The following SCN3A variants were observed in gnomAD, a reference collection of about 807,000 sequenced individuals.
SCN3A encodes the protein sodium channel protein type 3 subunit alpha.
In SCN3A, 60 loss-of-function variants were observed where a neutral mutation model predicts 187.6. The ratio of observed to expected loss-of-function variants is 0.32; its 90% CI spans 0.26 to 0.40. SCN3A has a LOEUF of 0.40. Ranked by LOEUF, SCN3A falls within the 10% of genes least tolerant of loss-of-function variation. SCN3A has a pLI of 1.00. For missense variants in SCN3A, 1,601 were observed against 2,428.2 expected (o/e 0.66, Z 7.16); for synonymous variants, 788 against 829.2 (o/e 0.95, Z 0.85).
intron 2 of SCN3A, among the ~76,000 whole-genome samples, chr2:165,183,373 A>G: frequency 6.6e-6 from 1 of 152,228 alleles, no homozygotes; most frequent in African/African-American, 2.4e-5. Flanking sequence ...ATTTGCTCTA[A>G]AAGATCTAAG....
chr2:165,097,460 A>G lies in SCN3A; in HGVS notation c.4031T>C (p.Ile1344Thr). 3 of 1,614,168 alleles carry G rather than the reference A, an allele frequency of 1.9e-6. No homozygotes were observed. Among genetic ancestry groups the G allele is most frequent in the Non-Finnish European group, 2.5e-6 (3 of 1,180,008 alleles). The change falls in exon 23 of 28, where the codon ATC becomes ACC. Residue 1344 changes from isoleucine to threonine, a missense_variant. By Grantham distance (89) the Ile-to-Thr change is moderately conservative. Coordinates refer to ENST00000283254, the MANE Select transcript of SCN3A (RefSeq NM_006922.4). ...CATGATGCTAAAGATCAACCAGAAG[A>G]TGAGACAGACCAACAGCACATTCAT... is the stretch of plus-strand genomic sequence containing the variant. ...SIMNVLLVCL[I>T]FWLIFSIMGV...
intron 11 of SCN3A, among the ~76,000 whole-genome samples, chr2:165,150,635 C>T (rs1688636980): frequency 6.6e-6 from 1 of 152,134 alleles, no homozygotes; most frequent in Non-Finnish European, 1.5e-5. Flanking sequence ...TAGCCGAACT[C>T]ATCATAATCA....
intron 18 of SCN3A, among the ~76,000 whole-genome samples, chr2:165,126,494 C>A (rs890433852): frequency 7.2e-6 from 1 of 139,134 alleles, no homozygotes; most frequent in Non-Finnish European, 1.6e-5. Context: ...TCTTTTCTTT[C>A]TTTCTTTCCT....
At chr2:165,115,206 A>T (rs1024785545) in intron 19 of SCN3A, among the ~76,000 whole-genome samples, 5 of 151,402 alleles carry the variant, frequency 3.3e-5, no homozygotes, top group Admixed American at 6.6e-5. Flanking sequence ...ATGTACCACC[A>T]TGTTGAGCTA....
At position 165,092,703 on chromosome 2, in the gene SCN3A, T is replaced by C. The variant is rs894423450; in HGVS notation, c.4537-179A>G. 8 of 626,150 alleles carry C rather than the reference T, an allele frequency of 1.3e-5. No individual in the cohort carries two copies. Among genetic ancestry groups the C allele is most frequent in the Admixed American group, 5.9e-5 (2 of 34,080 alleles). The allele number at this position is 626,150 out of a possible 1,614,324, so 38.8% of individuals were successfully genotyped here. On this transcript the variant is annotated intron_variant, in intron 26 of 27. Coordinates refer to ENST00000283254, the MANE Select transcript of SCN3A (RefSeq NM_006922.4). This position sits in a 1 kb window ranked among gnomAD's most constrained non-coding sequence, Gnocchi z 4.2. ...TTAAAAAAAATGGAAAAAAAATTTA[T>C]ATAGCTAAACAAAGCATATTTGGTT... is the stretch of plus-strand genomic sequence containing the variant.
intron 18 of SCN3A, among the ~76,000 whole-genome samples, chr2:165,126,235 A>T (rs560459703): frequency 2.0e-5 from 3 of 152,224 alleles, no homozygotes; most frequent in Non-Finnish European, 4.4e-5. Context: ...TTGTACTCAT[A>T]TGTATTAAAC....
rs142971669 is a variant in SCN3A, at chr2:165,135,219, A to G, written c.2391+2660T>C. Among the ~76,000 whole-genome samples the G allele has an allele frequency of 4.1e-3, 630 of 152,226 alleles. 5 individuals are homozygous for G. Among genetic ancestry groups the G allele is most frequent in the East Asian group, 0.019 (101 of 5,186 alleles). On this transcript the variant is annotated intron_variant, in intron 15 of 27. Coordinates refer to ENST00000283254, the MANE Select transcript of SCN3A (RefSeq NM_006922.4). ...TGGGAGCAAGCATTTTATAATGATT[A>G]AAAAACAAAACAAAACAAAATACTC... is the stretch of plus-strand genomic sequence containing the variant.
Position 165,112,935 on chromosome 2 carries a change from G to C in SCN3A, c.3793C>G (p.Gln1265Glu). The change falls in exon 21 of 28, where the codon CAA (glutamine) becomes GAA (glutamate). Residue 1265 changes from glutamine (Q) to glutamate (E), a missense_variant. By Grantham distance (29) the Gln-to-Glu change is conservative. Transcript: ENST00000283254. ...CACCAGGCATTAGTGAAATATGTTT[G>C]AAATCCATAAGCAACCCATTTGAGA... ...MLLKWVAYGF[Q>E]TYFTNAWCWL... The C allele has an allele frequency of 6.2e-7, 1 of 1,613,554 alleles. No individual in the cohort carries two copies.
At chr2:165,153,001 A>G (rs79808821) in intron 11 of SCN3A, among the ~76,000 whole-genome samples, 1 of 148,040 alleles carries the variant, frequency 6.8e-6, no homozygotes, top group African/African-American at 2.5e-5. Context: ...ACAGCTTTGA[A>G]AAAAAAAAAA....
intron 18 of SCN3A, among the ~76,000 whole-genome samples, chr2:165,126,925 A>T (rs1687027734): frequency 6.6e-6 from 1 of 152,238 alleles, no homozygotes; most frequent in Non-Finnish European, 1.5e-5. Flanking sequence ...GAGGTTAACA[A>T]AAGTACATAA....
intron 18 of SCN3A, among the ~76,000 whole-genome samples, chr2:165,117,289 A>G (rs1686418769): frequency 1.3e-5 from 2 of 152,112 alleles, no homozygotes; most frequent in African/African-American, 4.8e-5. Flanking sequence ...AGTTATAGAA[A>G]GTTTCATGCT....
intron 21 of SCN3A, among the ~76,000 whole-genome samples, chr2:165,108,405 TC>T (rs1459258338): frequency 6.6e-6 from 1 of 152,108 alleles, no homozygotes; most frequent in African/African-American, 2.4e-5. Flanking sequence ...CTTATGGGAT[TC>T]TAAGGAGCAT....
intron 15 of SCN3A, among the ~76,000 whole-genome samples, chr2:165,132,906 A>G (rs1687430652): frequency 6.6e-6 from 1 of 152,220 alleles, no homozygotes; most frequent in South Asian, 2.1e-4. Flanking sequence ...AATATCCAGA[A>G]TCTACAATGA....
chr2:165,129,882 G>A (rs753456672), intron 17 of SCN3A, 58 bp downstream of exon 17: 15 of 1,605,884 alleles, frequency 9.3e-6, no homozygotes, highest in East Asian at 6.7e-5. Context: ...ATCTGGCCAC[G>A]TTCCTAGCTA....
In SCN3A at chr2:165,131,147, TTTAAAA is replaced by T. The variant is rs1204682300; in HGVS notation, c.2565+91_2565+96del. On this transcript the variant is annotated intron_variant, in intron 16 of 27. Transcript: ENST00000283254. ...TTAGAATGTCACATATTGATGTAAATTTAAAATTAAAATTAATAATTATATAAATAT... is the reference window on the plus strand; with the variant it reads ...TTAGAATGTCACATATTGATGTAAATTTAAAATTAATAATTATATAAATAT... The T allele has an allele frequency of 5.7e-5, 41 of 713,070 alleles. No homozygotes were observed. In the Admixed American group the frequency reaches 5.8e-4, roughly 10 times the overall value. The allele number at this position is 713,070 out of a possible 1,614,324, so 44.2% of individuals were successfully genotyped here.
intron 18 of SCN3A, among the ~76,000 whole-genome samples, chr2:165,120,898 G>A (rs935406861): frequency 7.3e-5 from 11 of 150,834 alleles, no homozygotes; most frequent in Middle Eastern, 3.4e-3. Flanking sequence ...CAACATCCCC[G>A]GAGCTTCTTT....
At chr2:165,197,278 C>T (rs1038574028) in intron 1 of SCN3A, among the ~76,000 whole-genome samples, 1 of 152,110 alleles carries the variant, frequency 6.6e-6, no homozygotes, top group Non-Finnish European at 1.5e-5. Context: ...TCTTTCACTT[C>T]CCTAGCCAAG....
At chr2:165,107,085 G>A (rs936151107) in intron 21 of SCN3A, among the ~76,000 whole-genome samples, 2 of 152,136 alleles carry the variant, frequency 1.3e-5, no homozygotes, top group African/African-American at 2.4e-5. Context: ...TGGAAGAAAT[G>A]CATGACTTAG....
intron 2 of SCN3A, among the ~76,000 whole-genome samples, chr2:165,180,214 G>T (rs1690755768): frequency 6.6e-6 from 1 of 152,112 alleles, no homozygotes; most frequent in Non-Finnish European, 1.5e-5. Context: ...AATCTGGAAA[G>T]GATCTCGAAA....
Sources: gnomAD v4.1 joint callset for allele counts (sites outside exome capture counted in the v4.1 genomes callset) on GRCh38, gnomAD v4.1.1 for gene constraint, Gnocchi (gnomAD v3.1) non-coding constraint, MANE v1.5 for transcripts, NCBI Gene and HGNC (gene_info 2026-07-23, HGNC 2026-07-21) for gene names.